Variants in DCC observed in about 807,000 individuals in gnomAD.
The protein encoded by DCC is DCC netrin 1 receptor, also known as netrin receptor DCC.
A neutral mutation model predicts 172.5 loss-of-function variants in DCC; 58 were observed. The ratio of observed to expected loss-of-function variants is 0.34; its 90% CI spans 0.27 to 0.42. The LOEUF is 0.42. DCC is among the 10% of genes least tolerant of loss of function. The pLI, the probability that DCC is intolerant of heterozygous loss-of-function variation, is 1.00. For missense variants in DCC, 1,740 were observed against 1,791.0 expected (o/e 0.97, Z 0.51); for synonymous variants, 709 against 644.5 (o/e 1.10, Z -1.52).
chr18:52,499,849 G>A (rs1218766389), intron 1 of DCC, among the ~76,000 whole-genome samples: 1 of 152,052 alleles, frequency 6.6e-6, no homozygotes. Context: ...ATGGGGACTC[G>A]GGTAAGGTCC....
At chr18:52,944,460 T>A (rs991369397) in intron 5 of DCC, among the ~76,000 whole-genome samples, 4 of 152,148 alleles carry the variant, frequency 2.6e-5, no homozygotes, top group Non-Finnish European at 5.9e-5. Flanking sequence ...AGGCACAATA[T>A]TTGTCCGAAG....
At chr18:53,362,577 G>A (rs925826037) in intron 15 of DCC, among the ~76,000 whole-genome samples, 29 of 152,278 alleles carry the variant, frequency 1.9e-4, no homozygotes, top group South Asian at 6.2e-4. Context: ...GTGTGGGGTG[G>A]AGGATGAAGT....
intron 7 of DCC, among the ~76,000 whole-genome samples, chr18:53,066,891 G>A (rs1355453341): frequency 1.3e-5 from 2 of 152,166 alleles, no homozygotes; most frequent in African/African-American, 2.4e-5. Flanking sequence ...GGCGGAAGGC[G>A]AAGGGGCAGC....
intron 1 of DCC, among the ~76,000 whole-genome samples, chr18:52,604,671 T>C (rs538587432): frequency 4.6e-5 from 7 of 152,300 alleles, no homozygotes; most frequent in African/African-American, 1.7e-4. Flanking sequence ...TGTCCATTTC[T>C]AGCTGCAAGG....
intron 15 of DCC, among the ~76,000 whole-genome samples, chr18:53,373,652 C>T (rs2058081970): frequency 6.6e-6 from 1 of 151,884 alleles, no homozygotes; most frequent in Non-Finnish European, 1.5e-5. Context: ...ACTTAATGTC[C>T]CTTTTTGTTA....
chr18:53,426,970 C>T (rs1911012342), intron 21 of DCC, among the ~76,000 whole-genome samples: 1 of 152,166 alleles, frequency 6.6e-6, no homozygotes, highest in African/African-American at 2.4e-5. Flanking sequence ...TCATCCTCTT[C>T]TGCCTCTTCT....
At chr18:52,798,033 C>T (rs1307739527) in intron 2 of DCC, among the ~76,000 whole-genome samples, 2 of 128,100 alleles carry the variant, frequency 1.6e-5, no homozygotes, top group Non-Finnish European at 3.5e-5. Context: ...TCCCCAGATG[C>T]CAGGTTGCTT....
chr18:52,608,730 C>A (rs2034188596), intron 1 of DCC, among the ~76,000 whole-genome samples: 1 of 152,292 alleles, frequency 6.6e-6, no homozygotes, highest in South Asian at 2.1e-4. Flanking sequence ...AAAGCAGGCA[C>A]TTTTATCCTT....
At chr18:53,456,838 G>A (rs1469476897) in intron 23 of DCC, among the ~76,000 whole-genome samples, 1 of 152,192 alleles carries the variant, frequency 6.6e-6, no homozygotes, top group Non-Finnish European at 1.5e-5. Flanking sequence ...ACCAACAGAT[G>A]GGCAGAAGGT....
intron 1 of DCC, among the ~76,000 whole-genome samples, chr18:52,580,341 T>A (rs2033516150): frequency 6.6e-6 from 1 of 152,202 alleles, no homozygotes; most frequent in Non-Finnish European, 1.5e-5. Context: ...CACTGCAGCC[T>A]CGAACTCACA....
intron 22 of DCC, among the ~76,000 whole-genome samples, chr18:53,450,066 T>C (rs8093031): frequency 0.041 from 6,172 of 151,980 alleles, 409 homozygotes; most frequent in African/African-American, 0.14. Flanking sequence ...CATATTATAG[T>C]AGGTATTAGT....
intron 1 of DCC, among the ~76,000 whole-genome samples, chr18:52,650,048 G>T (rs866197013): frequency 7.0e-6 from 1 of 143,592 alleles, no homozygotes; most frequent in Admixed American, 7.3e-5. Flanking sequence ...GCACGATCTC[G>T]GCTCACCGCA....
At chr18:52,929,177 G>A (rs1291216269) in intron 5 of DCC, among the ~76,000 whole-genome samples, 1 of 151,968 alleles carries the variant, frequency 6.6e-6, no homozygotes, top group Non-Finnish European at 1.5e-5. Context: ...CCAACCTTAG[G>A]TGCTACTTTT....
At chr18:52,507,107 A>G (rs905076551) in intron 1 of DCC, among the ~76,000 whole-genome samples, 6 of 152,170 alleles carry the variant, frequency 3.9e-5, no homozygotes, top group African/African-American at 1.4e-4. Flanking sequence ...TGCTAACTCA[A>G]GATAAGATGC....
At position 52,850,457 on chromosome 18, in the gene DCC, A is replaced by AGGG. The variant is rs561991687; in HGVS notation, c.413-55586_413-55584dup. Among the ~76,000 whole-genome samples the AGGG allele has an allele frequency of 3.6e-3, 542 of 152,246 alleles. 5 individuals are homozygous for AGGG. Among genetic ancestry groups the AGGG allele is most frequent in the Non-Finnish European group, 4.1e-3 (281 of 67,972 alleles). On this transcript the variant is annotated intron_variant, in intron 2 of 28. Coordinates refer to ENST00000442544, the MANE Select transcript of DCC (RefSeq NM_005215.4). ...ATCCCATTGGTTGATCTTGTCATAG[A>AGGG]GGGAAAAATCCATTATTAGCTCTGC...
intron 2 of DCC, among the ~76,000 whole-genome samples, chr18:52,877,308 T>C (rs1386289077): frequency 6.6e-6 from 1 of 152,192 alleles, no homozygotes; most frequent in Non-Finnish European, 1.5e-5. Flanking sequence ...ACATTGGCAG[T>C]GTCCCTGGAG....
chr18:52,636,350 G>A (rs930841396), intron 1 of DCC, among the ~76,000 whole-genome samples: 1 of 149,386 alleles, frequency 6.7e-6, no homozygotes, highest in African/African-American at 2.5e-5. Context: ...GAACTTGGGG[G>A]AGGGCACGAA....
intron 1 of DCC, among the ~76,000 whole-genome samples, chr18:52,345,982 G>A (rs1983861254): frequency 6.6e-6 from 1 of 152,150 alleles, no homozygotes. Context: ...GGTGTTACCA[G>A]GTTGGAATAA....
intron 3 of DCC, among the ~76,000 whole-genome samples, chr18:52,912,623 G>A (rs577800182): frequency 8.6e-5 from 13 of 152,008 alleles, no homozygotes; most frequent in Middle Eastern, 3.4e-3. Context: ...TGTATGATAT[G>A]GTATAAGAGG....
Sources: gnomAD v4.1 joint callset for allele counts (sites outside exome capture counted in the v4.1 genomes callset) on GRCh38, gnomAD v4.1.1 for gene constraint, MANE v1.5 for transcripts, NCBI Gene and HGNC (gene_info 2026-07-23, HGNC 2026-07-21) for gene names.